Variants in RASSF5 observed in about 807,000 individuals in gnomAD.
RASSF5 encodes the protein ras association domain-containing protein 5.
A neutral mutation model predicts 40.5 loss-of-function variants in RASSF5; 25 were observed. That is an observed-to-expected ratio of 0.62 (90% CI 0.45 to 0.86). The LOEUF (loss-of-function observed/expected upper bound fraction) is 0.86, where lower values mean the gene tolerates loss of function less well. RASSF5 is among the 40% of genes least tolerant of loss of function. The pLI is 0.00. For missense variants in RASSF5, 521 were observed against 572.8 expected (o/e 0.91, Z 0.92); for synonymous variants, 246 against 252.4 (o/e 0.97, Z 0.24).
intron 5 of RASSF5, 66 bp downstream of exon 5, chr1:206,585,361 G>A (rs552187846): frequency 1.7e-6 from 2 of 1,158,204 alleles, no homozygotes; most frequent in African/African-American, 1.5e-5. Flanking sequence ...GGTGGGTGTT[G>A]TCCTAACTAC....
intron 1 of RASSF5, among the ~76,000 whole-genome samples, chr1:206,520,531 C>T (rs192917739): frequency 1.7e-4 from 25 of 149,900 alleles, no homozygotes; most frequent in African/African-American, 4.9e-4. Flanking sequence ...TGCTTGAATC[C>T]GGGAGGCGGA....
intron 1 of RASSF5, among the ~76,000 whole-genome samples, chr1:206,525,156 T>C (rs11806486): frequency 0.035 from 5,281 of 152,244 alleles, 104 homozygotes; most frequent in African/African-American, 0.04. Flanking sequence ...TTTGTTGATG[T>C]TTTCAGCCTA....
chr1:206,538,160 C>G lies in RASSF5; in HGVS notation c.458-12C>G, dbSNP rs575844649. 1 of 1,614,152 alleles carries G rather than the reference C, an allele frequency of 6.2e-7. No homozygotes were observed. Among genetic ancestry groups the G allele is most frequent in the South Asian group, 1.1e-5 (1 of 91,074 alleles). On this transcript the variant is annotated splice_polypyrimidine_tract_variant and intron_variant, in intron 1 of 5. Transcript: ENST00000579436. ...CCTGTCCTCTAATCTCCCTTTTGTT[C>G]TTTACCTCCAGACTGTAAATTCACC...
intron 1 of RASSF5, among the ~76,000 whole-genome samples, chr1:206,509,695 T>C (rs1447550698): frequency 6.6e-6 from 1 of 151,640 alleles, no homozygotes; most frequent in Non-Finnish European, 1.5e-5. Flanking sequence ...GTATCACTTG[T>C]TGAAGATTTT....
intron 2 of RASSF5, among the ~76,000 whole-genome samples, chr1:206,559,762 G>A (rs1033388981): frequency 1.3e-5 from 2 of 152,152 alleles, no homozygotes; most frequent in African/African-American, 4.8e-5. Flanking sequence ...TTATCCTTAC[G>A]GGAAGCATCT....
chr1:206,519,015 T>C (rs1164754963), intron 1 of RASSF5, among the ~76,000 whole-genome samples: 2 of 151,906 alleles, frequency 1.3e-5, no homozygotes, highest in East Asian at 3.8e-4. Context: ...TTAGTGAAGG[T>C]GCAGGCTGCA....
intron 1 of RASSF5, among the ~76,000 whole-genome samples, chr1:206,520,914 C>T (rs1026012025): frequency 1.3e-5 from 2 of 152,148 alleles, no homozygotes; most frequent in Non-Finnish European, 2.9e-5. Context: ...GCCTGCAGCA[C>T]GGCTGTCTGC....
intron 2 of RASSF5, among the ~76,000 whole-genome samples, chr1:206,567,472 A>G (rs538031054): frequency 2.0e-4 from 31 of 152,178 alleles, no homozygotes; most frequent in African/African-American, 7.0e-4. Flanking sequence ...CCCACAGTCA[A>G]TGGATGGAGC....
Position 206,584,604 on chromosome 1 carries a change from A to G in RASSF5, c.908A>G (p.Gln303Arg). 1.9e-6 allele frequency: 3 copies of G among 1,614,228 alleles called. 1 individual carries two copies. Among genetic ancestry groups the G allele is most frequent in the Non-Finnish European group, 2.5e-6 (3 of 1,180,040 alleles). The change falls in exon 4 of 6, where the codon CAG (glutamine) becomes CGG (arginine). Residue 303 changes from glutamine (Q) to arginine (R), a missense_variant. By Grantham distance (43) the Gln-to-Arg change is conservative. Coordinates refer to ENST00000579436, the MANE Select transcript of RASSF5 (RefSeq NM_182663.4). This position sits in a 1 kb window ranked among gnomAD's most constrained non-coding sequence, Gnocchi z 4.9. ...SSTTTVSEVI[Q>R]GLLKKFMVVD... ...ACCACCACCGTCAGTGAGGTCATCCAGGGGCTGCTCAAGAAGTTCATGGTT... is the reference window on the plus strand; with the variant it reads ...ACCACCACCGTCAGTGAGGTCATCCGGGGGCTGCTCAAGAAGTTCATGGTT...
intron 1 of RASSF5, among the ~76,000 whole-genome samples, chr1:206,524,505 G>T: frequency 7.9e-6 from 1 of 126,646 alleles, no homozygotes; most frequent in South Asian, 2.3e-4. Context: ...ACAGAGTCTT[G>T]CTCTGTCATC....
At chr1:206,557,272 C>G in intron 2 of RASSF5, 3 of 1,163,682 alleles carry the variant, frequency 2.6e-6, no homozygotes, top group Non-Finnish European at 3.2e-6. Context: ...GACACGAAAC[C>G]GCAGAGCCCG....
intron 1 of RASSF5, among the ~76,000 whole-genome samples, chr1:206,527,365 G>C (rs992594872): frequency 8.5e-5 from 13 of 152,118 alleles, no homozygotes; most frequent in Non-Finnish European, 1.6e-4. Flanking sequence ...CTCTTTGAGT[G>C]GGGAAGGCTG....
chr1:206,515,484 C>T (rs1479572787), intron 1 of RASSF5, among the ~76,000 whole-genome samples: 2 of 152,162 alleles, frequency 1.3e-5, no homozygotes, highest in African/African-American at 2.4e-5. Flanking sequence ...CTCCTTCTTG[C>T]CATGGCCCAG....
In RASSF5 at chr1:206,507,927, C is replaced by A; in HGVS notation, c.325C>A (p.Gln109Lys). 1 of 1,518,812 alleles carries A rather than the reference C, an allele frequency of 6.6e-7. No individual in the cohort carries two copies. The highest frequency in any genetic ancestry group is 8.8e-7 in the Non-Finnish European group (1 of 1,141,224). The allele number at this position is 1,518,812 out of a possible 1,614,324, so 94.1% of individuals were successfully genotyped here. ...CCGCGACGTGCGGAGCATCTTCGAG[C>A]AGCCGCAGGATCCCAGAGTCCCGGC... ...RPRDVRSIFE[Q>K]PQDPRVPAER... is the part of the protein sequence containing the mutation. The change falls in exon 1 of 6, where the codon CAG becomes AAG. Residue 109 changes from glutamine to lysine, a missense_variant. Transcript: ENST00000579436.
intron 2 of RASSF5, among the ~76,000 whole-genome samples, chr1:206,566,128 T>G (rs1177051556): frequency 6.6e-6 from 1 of 152,120 alleles, no homozygotes; most frequent in Non-Finnish European, 1.5e-5. Context: ...GCCAAAAAGT[T>G]GACACATTCT....
chr1:206,530,315 A>G lies in RASSF5; in HGVS notation c.458-7857A>G, dbSNP rs1378659082. 4.6e-5 allele frequency among the ~76,000 whole-genome samples: 7 copies of G among 152,210 alleles called. No homozygotes were observed. The East Asian group carries it at 1.2e-3, about 25-fold the overall frequency. On this transcript the variant is annotated intron_variant, in intron 1 of 5. Transcript: ENST00000579436. ...CCTTTTTTAGATGTATGTTGTGGACATATTTTCATGTTGACCAATATCAAT... is the reference window on the plus strand; with the variant it reads ...CCTTTTTTAGATGTATGTTGTGGACGTATTTTCATGTTGACCAATATCAAT...
intron 2 of RASSF5, among the ~76,000 whole-genome samples, chr1:206,547,864 T>C (rs1553400492): frequency 6.6e-6 from 1 of 152,238 alleles, no homozygotes; most frequent in African/African-American, 2.4e-5. Flanking sequence ...GTACTTTTTT[T>C]TCTTCTGGTA....
In RASSF5 at chr1:206,584,249, C is replaced by T; in HGVS notation, c.691-138C>T. Reference sequence around the variant, plus strand: ...GGGAAAGGGATCTCTGCTCCTTCCTCCAGCTCTCCCACGTCAGCAGAGGCA... The same window carrying T: ...GGGAAAGGGATCTCTGCTCCTTCCTTCAGCTCTCCCACGTCAGCAGAGGCA... On this transcript the variant is annotated intron_variant, in intron 3 of 5. Coordinates refer to ENST00000579436, the MANE Select transcript of RASSF5 (RefSeq NM_182663.4). This position sits in a 1 kb window ranked among gnomAD's most constrained non-coding sequence, Gnocchi z 4.9. 2.5e-6 allele frequency: 2 copies of T among 807,426 alleles called. No individual in the cohort carries two copies. Among genetic ancestry groups the T allele is most frequent in the Non-Finnish European group, 3.9e-6 (2 of 517,962 alleles). The allele number at this position is 807,426 out of a possible 1,614,324, so 50.0% of individuals were successfully genotyped here.
Position 206,507,676 on chromosome 1 carries a change from T to C in RASSF5, c.74T>C (p.Leu25Pro). ...TTGGACCCCGAGCCGCCGCGCTATCTACAGAGCCTGAGCGGCCCCGAGCTA... is the reference window on the plus strand; with the variant it reads ...TTGGACCCCGAGCCGCCGCGCTATCCACAGAGCCTGAGCGGCCCCGAGCTA... ...LLLDPEPPRY[L>P]QSLSGPELPP... The change falls in exon 1 of 6, where the codon CTA becomes CCA. Residue 25 changes from leucine to proline, a missense_variant. By Grantham distance (98) the Leu-to-Pro change is moderately conservative (BLOSUM62 -3). Transcript: ENST00000579436. 6.6e-7 allele frequency: 1 copy of C among 1,519,800 alleles called. No individual in the cohort carries two copies. The highest frequency in any genetic ancestry group is 8.8e-7 in the Non-Finnish European group (1 of 1,140,272). The allele number at this position is 1,519,800 out of a possible 1,614,324, so 94.1% of individuals were successfully genotyped here.
Sources: allele counts gnomAD v4.1 joint callset (sites outside exome capture counted in the v4.1 genomes callset), GRCh38; gene constraint gnomAD v4.1.1; non-coding constraint Gnocchi (gnomAD v3.1); transcripts MANE v1.5; gene names NCBI Gene and HGNC (gene_info 2026-07-23, HGNC 2026-07-21).